The following MED27 variants were observed in gnomAD, a reference collection of about 807,000 sequenced individuals.
MED27 encodes mediator of RNA polymerase II transcription subunit 27.
MED27 carries 30 observed loss-of-function variants against 38.2 expected under a neutral mutation model. That is an observed-to-expected ratio of 0.79 (90% CI 0.59 to 1.07). MED27 has a LOEUF of 1.07. Among genes scored for constraint, MED27 ranks in the 50% least tolerant of loss-of-function variants. The probability of loss-of-function intolerance (pLI) is 0.00; values close to 1 mark genes in which losing one functional copy is unlikely to be tolerated. For missense variants in MED27, 289 were observed against 397.5 expected, an observed-to-expected ratio of 0.73 and a Z score of 2.32; for synonymous variants, 122 against 153.5, an observed-to-expected ratio of 0.79 and a Z score of 1.52.
chr9:132,012,931 C>T (rs1295409070), intron 3 of MED27, among the ~76,000 whole-genome samples: 4 of 152,146 alleles, frequency 2.6e-5, no homozygotes, highest in African/African-American at 9.7e-5. Context: ...CAAATGAGAC[C>T]TTGAGCAAAG....
intron 5 of MED27, among the ~76,000 whole-genome samples, chr9:131,884,905 A>G (rs919235890): frequency 6.6e-5 from 10 of 151,968 alleles, no homozygotes; most frequent in Non-Finnish European, 8.8e-5. Context: ...ATTACACTGG[A>G]CCCTTTTTAC....
At chr9:131,881,410 A>T (rs926498926) in intron 6 of MED27, among the ~76,000 whole-genome samples, 2 of 152,130 alleles carry the variant, frequency 1.3e-5, no homozygotes, top group Non-Finnish European at 2.9e-5. Flanking sequence ...CCCAGGGACC[A>T]GGGAGGAAGA....
At chr9:132,044,095 A>G (rs868643382) in intron 2 of MED27, among the ~76,000 whole-genome samples, 4 of 152,302 alleles carry the variant, frequency 2.6e-5, no homozygotes, top group South Asian at 2.1e-4. Flanking sequence ...AAAGGAAAAG[A>G]GAAAAAAAGT....
chr9:131,920,450 C>T (rs1164347210), intron 4 of MED27, among the ~76,000 whole-genome samples: 1 of 152,210 alleles, frequency 6.6e-6, no homozygotes, highest in Non-Finnish European at 1.5e-5. Context: ...CCAATAATTA[C>T]TCAACACCTA....
At chr9:132,068,203 C>T (rs779501605) in intron 2 of MED27, among the ~76,000 whole-genome samples, 23 of 152,078 alleles carry the variant, frequency 1.5e-4, no homozygotes, top group Non-Finnish European at 2.4e-4. Context: ...GCCACACACT[C>T]GCATGCAGTA....
Position 131,918,858 on chromosome 9 carries a change from C to T in MED27, c.573+20523G>A, listed in dbSNP as rs551729733. ...GACCTGCAGGTCAGCAGAAAGCCTA[C>T]GGAGAACGGCCTCCCAGTTCTAGCT... On this transcript the variant is annotated intron_variant, in intron 4 of 7. Coordinates refer to ENST00000292035, the MANE Select transcript of MED27 (RefSeq NM_004269.4). Among the ~76,000 whole-genome samples the T allele has an allele frequency of 5.9e-5, 9 of 152,244 alleles. No homozygotes were observed. The South Asian group carries it at 1.2e-3, about 21-fold the overall frequency.
At chr9:131,978,457 G>A (rs1455270193) in intron 3 of MED27, among the ~76,000 whole-genome samples, 2 of 152,112 alleles carry the variant, frequency 1.3e-5, no homozygotes, top group African/African-American at 4.8e-5. Flanking sequence ...TTTTATTTTA[G>A]GTGGGATAAT....
chr9:131,975,235 C>A (rs1170688830), intron 3 of MED27, among the ~76,000 whole-genome samples: 3 of 152,148 alleles, frequency 2.0e-5, no homozygotes, highest in Non-Finnish European at 4.4e-5. Context: ...AAATAAATAG[C>A]AGCTTAGCAT....
At chr9:131,873,654 C>A (rs546953986) in intron 6 of MED27, among the ~76,000 whole-genome samples, 1 of 152,308 alleles carries the variant, frequency 6.6e-6, no homozygotes, top group South Asian at 2.1e-4. Context: ...TATAACTGTC[C>A]ACCAGAGCCA....
At chr9:131,884,745 C>T (rs959861960) in intron 5 of MED27, among the ~76,000 whole-genome samples, 4 of 151,510 alleles carry the variant, frequency 2.6e-5, no homozygotes, top group Admixed American at 2.6e-4. Flanking sequence ...GTGGCTGGGA[C>T]TATAGGCGTG....
intron 3 of MED27, among the ~76,000 whole-genome samples, chr9:131,945,527 T>A (rs918096716): frequency 2.6e-5 from 4 of 152,068 alleles, no homozygotes; most frequent in African/African-American, 7.2e-5. Flanking sequence ...ATACAATAGA[T>A]CTCTTGAATT....
intron 2 of MED27, among the ~76,000 whole-genome samples, chr9:132,024,773 C>T (rs981875722): frequency 6.6e-6 from 1 of 152,146 alleles, no homozygotes; most frequent in Non-Finnish European, 1.5e-5. Flanking sequence ...GAAAGGCAAT[C>T]CCGAGGATTA....
At chr9:131,988,324 A>T (rs893869050) in intron 3 of MED27, among the ~76,000 whole-genome samples, 1 of 151,614 alleles carries the variant, frequency 6.6e-6, no homozygotes, top group African/African-American at 2.4e-5. Context: ...TTGAAAAAAT[A>T]AAAAAAAAGA....
chr9:131,952,857 T>G (rs936910232), intron 3 of MED27, among the ~76,000 whole-genome samples: 1 of 152,264 alleles, frequency 6.6e-6, no homozygotes, highest in East Asian at 1.9e-4. Flanking sequence ...TATGGGTTCC[T>G]TATACCCTGC....
rs888971393 is a variant in MED27, at chr9:131,946,465, C to T, written c.480-6991G>A. Among the ~76,000 whole-genome samples the T allele has an allele frequency of 2.6e-5, 4 of 152,188 alleles. No homozygotes were observed. The South Asian group carries it at 8.3e-4, about 32-fold the overall frequency. ...CTCTGACTGTTACTCATCCTTCCAA[C>T]AAAATCAAAGACCTACCCCCATGAC... On this transcript the variant is annotated intron_variant, in intron 3 of 7. Transcript: ENST00000292035.
At chr9:131,935,434 T>C (rs1222606704) in intron 4 of MED27, among the ~76,000 whole-genome samples, 1 of 152,198 alleles carries the variant, frequency 6.6e-6, no homozygotes, top group Non-Finnish European at 1.5e-5. Context: ...GCCAACATTA[T>C]TTATAAAGCA....
intron 3 of MED27, among the ~76,000 whole-genome samples, chr9:131,967,833 T>C (rs964017904): frequency 2.7e-5 from 4 of 150,432 alleles, no homozygotes; most frequent in Non-Finnish European, 4.4e-5. Flanking sequence ...TTTTTTTTTT[T>C]TTTGAGACGG....
rs569194814 is a variant in MED27 at position 132,007,320 on chromosome 9, G to A, written c.479+7017C>T. 1.3e-3 allele frequency among the ~76,000 whole-genome samples: 205 copies of A among 152,254 alleles called. 5 individuals are homozygous for A. The South Asian group carries it at 0.041, about 30-fold the overall frequency. On this transcript the variant is annotated intron_variant, in intron 3 of 7. Coordinates refer to ENST00000292035, the MANE Select transcript of MED27 (RefSeq NM_004269.4). ...TACTGAAACAAATGCAAACGCTGAGGAAATGGCACCAGTAAGCTCCAAAGA... is the reference window on the plus strand; with the variant it reads ...TACTGAAACAAATGCAAACGCTGAGAAAATGGCACCAGTAAGCTCCAAAGA...
rs78625747 is a variant in MED27 at position 131,943,874 on chromosome 9, C to T, written c.480-4400G>A. Reference sequence around the variant, plus strand: ...TGGTCCAAGAACTGGGCTAGAAACACAAACTTCTAGAAATTACAGATTCAA... The same window carrying T: ...TGGTCCAAGAACTGGGCTAGAAACATAAACTTCTAGAAATTACAGATTCAA... On this transcript the variant is annotated intron_variant, in intron 3 of 7. Coordinates refer to ENST00000292035, the MANE Select transcript of MED27 (RefSeq NM_004269.4). Among the ~76,000 whole-genome samples, 677 of 152,294 alleles carry T rather than the reference C, an allele frequency of 4.4e-3. 10 individuals are homozygous for T. Among genetic ancestry groups the T allele is most frequent in the African/African-American group, 0.015 (642 of 41,562 alleles).
Sources: allele counts gnomAD v4.1 joint callset (sites outside exome capture counted in the v4.1 genomes callset), GRCh38; gene constraint gnomAD v4.1.1; transcripts MANE v1.5; gene names NCBI Gene and HGNC (gene_info 2026-07-23, HGNC 2026-07-21).